The following VAX2 variants were observed in gnomAD, a reference collection of about 807,000 sequenced individuals.
VAX2 encodes ventral anterior homeobox 2.
Under a neutral mutation model 12.5 loss-of-function variants are expected in VAX2, and 8 were observed. The observed-to-expected ratio is 0.64, with a 90% confidence interval of 0.37 to 1.15. The LOEUF (loss-of-function observed/expected upper bound fraction) is 1.15, where lower values mean the gene tolerates loss of function less well. VAX2 is among the 50% of genes most tolerant of loss of function. The pLI, the probability that VAX2 is intolerant of heterozygous loss-of-function variation, is 0.01. For missense variants in VAX2, 476 were observed against 412.9 expected, an observed-to-expected ratio of 1.15 and a Z score of -1.32; for synonymous variants, 183 against 187.6, an observed-to-expected ratio of 0.98 and a Z score of 0.20.
At chr2:70,916,642 C>A (rs1431508009) in intron 1 of VAX2, among the ~76,000 whole-genome samples, 2 of 152,142 alleles carry the variant, frequency 1.3e-5, no homozygotes, top group Non-Finnish European at 2.9e-5. Context: ...CTTTTGGGAA[C>A]TGTTTTTTCC....
chr2:70,904,155 C>G lies in VAX2; in HGVS notation c.247+3287C>G, dbSNP rs3821249. Among the ~76,000 whole-genome samples, 33,611 of 152,202 alleles carry G rather than the reference C, an allele frequency of 0.22. 4,136 individuals are homozygous for G. The highest frequency in any genetic ancestry group is 0.26 in the Non-Finnish European group (17,875 of 67,976). ...ACCCTAAGGCCTGAGAAGGCCGCTC[C>G]ACACCTCCGCGTGCACAGTCCCTAG... On this transcript the variant is annotated intron_variant, in intron 1 of 2. Transcript: ENST00000234392. The surrounding 1 kb of genome is among the most constrained non-coding windows in gnomAD (Gnocchi z 4.2).
intron 2 of VAX2, among the ~76,000 whole-genome samples, chr2:70,929,883 C>G (rs1679656870): frequency 1.3e-5 from 2 of 152,190 alleles, no homozygotes. Flanking sequence ...CCTCTGCCTC[C>G]CCAACTCCAC....
At chr2:70,908,940 G>A (rs1218817466) in intron 1 of VAX2, among the ~76,000 whole-genome samples, 1 of 152,088 alleles carries the variant, frequency 6.6e-6, no homozygotes, top group East Asian at 1.9e-4. Context: ...TTTCATCTTT[G>A]TCGATCTTCA....
intron 1 of VAX2, among the ~76,000 whole-genome samples, chr2:70,917,229 T>C (rs1300443151): frequency 1.4e-5 from 2 of 146,874 alleles, no homozygotes; most frequent in Non-Finnish European, 3.0e-5. Flanking sequence ...GGCTGAGACA[T>C]GAGAATCGTT....
chr2:70,930,852 C>T (rs1679678990), intron 2 of VAX2, among the ~76,000 whole-genome samples: 1 of 152,250 alleles, frequency 6.6e-6, no homozygotes, highest in Non-Finnish European at 1.5e-5. Flanking sequence ...CTTATTGGGC[C>T]CTCCCCTCCA....
intron 1 of VAX2, among the ~76,000 whole-genome samples, chr2:70,909,658 CTTAA>C (rs1553410997): frequency 6.6e-6 from 1 of 151,914 alleles, no homozygotes; most frequent in Non-Finnish European, 1.5e-5. Context: ...TGACTTTTTT[CTTAA>C]TTAAACAAAT....
intron 2 of VAX2, among the ~76,000 whole-genome samples, chr2:70,931,238 C>T (rs1408423299): frequency 6.6e-6 from 1 of 152,190 alleles, no homozygotes; most frequent in Non-Finnish European, 1.5e-5. Context: ...GTTCTGCCTC[C>T]TCTCAGAGGC....
chr2:70,908,081 C>T (rs1364772689), intron 1 of VAX2, among the ~76,000 whole-genome samples: 5 of 152,230 alleles, frequency 3.3e-5, no homozygotes, highest in Admixed American at 1.3e-4. Flanking sequence ...AGACCTTTGA[C>T]TGTTTCTGTG....
At chr2:70,911,037 A>G (rs1262887448) in intron 1 of VAX2, among the ~76,000 whole-genome samples, 1 of 152,112 alleles carries the variant, frequency 6.6e-6, no homozygotes, top group Non-Finnish European at 1.5e-5. Flanking sequence ...CTTTTCACCA[A>G]AAGAAATAAT....
At chr2:70,913,413 G>A (rs1474500013) in intron 1 of VAX2, among the ~76,000 whole-genome samples, 1 of 152,180 alleles carries the variant, frequency 6.6e-6, no homozygotes, top group Non-Finnish European at 1.5e-5. Flanking sequence ...CGGGTGCAGT[G>A]GCTTACGCCT....
At chr2:70,919,188 G>A (rs1235119193) in intron 1 of VAX2, among the ~76,000 whole-genome samples, 5 of 148,032 alleles carry the variant, frequency 3.4e-5, no homozygotes, top group Admixed American at 2.7e-4. Flanking sequence ...GAGCCGAGAT[G>A]GTGCCACTGC....
chr2:70,916,591 G>C (rs6546654), intron 1 of VAX2, among the ~76,000 whole-genome samples: 79,509 of 151,926 alleles, frequency 0.52, 21,625 homozygotes, highest in East Asian at 0.71. Flanking sequence ...CTATAATTTT[G>C]TTACCTTTAT....
chr2:70,924,704 T>C (rs558795619), intron 2 of VAX2, among the ~76,000 whole-genome samples: 1 of 152,274 alleles, frequency 6.6e-6, no homozygotes, highest in East Asian at 1.9e-4. Context: ...GCATTCTCAG[T>C]ATGTTCACCC....
chr2:70,905,042 G>T (rs1679019987), intron 1 of VAX2, among the ~76,000 whole-genome samples: 1 of 152,172 alleles, frequency 6.6e-6, no homozygotes, highest in Non-Finnish European at 1.5e-5. Flanking sequence ...CAGCAGCCGG[G>T]TCCAGGCTCA....
intron 2 of VAX2, among the ~76,000 whole-genome samples, chr2:70,929,888 C>T (rs1679657008): frequency 6.6e-6 from 1 of 152,220 alleles, no homozygotes; most frequent in Admixed American, 6.5e-5. Context: ...GCCTCCCCAA[C>T]TCCACCGCCC....
intron 1 of VAX2, among the ~76,000 whole-genome samples, chr2:70,909,004 G>C (rs1249489271): frequency 1.3e-5 from 2 of 152,074 alleles, no homozygotes; most frequent in African/African-American, 4.8e-5. Context: ...CCTTTGACCA[G>C]TTTAATTTGC....
chr2:70,903,763 G>A (rs1381704740), intron 1 of VAX2, among the ~76,000 whole-genome samples: 2 of 152,196 alleles, frequency 1.3e-5, no homozygotes, highest in African/African-American at 2.4e-5. Context: ...CGTTGTCTGA[G>A]GCCTCTCCCA....
chr2:70,900,976 C>A (rs1396328014), intron 1 of VAX2, 108 bp downstream of exon 1: 5 of 1,079,702 alleles, frequency 4.6e-6, no homozygotes, highest in East Asian at 3.2e-5. Context: ...TTCATTCATT[C>A]GTCATCCAGT....
chr2:70,914,448 C>A (rs1170579728), intron 1 of VAX2, among the ~76,000 whole-genome samples: 1 of 152,102 alleles, frequency 6.6e-6, no homozygotes, highest in Non-Finnish European at 1.5e-5. Context: ...GAGACTCTAT[C>A]TCAAAAAATA....
Sources: allele counts gnomAD v4.1 joint callset (sites outside exome capture counted in the v4.1 genomes callset), GRCh38; gene constraint gnomAD v4.1.1; non-coding constraint Gnocchi (gnomAD v3.1); transcripts MANE v1.5; gene names NCBI Gene and HGNC (gene_info 2026-07-23, HGNC 2026-07-21).